TIMM23: variants seen among roughly 807,000 people sequenced by gnomAD.
TIMM23 encodes the protein mitochondrial import inner membrane translocase subunit Tim23.
TIMM23 carries 19 observed loss-of-function variants against 30.7 expected under a neutral mutation model. That is an observed-to-expected ratio of 0.62 (90% CI 0.43 to 0.91). The LOEUF (loss-of-function observed/expected upper bound fraction) is 0.91. Among genes scored for constraint, TIMM23 ranks in the 40% least tolerant of loss-of-function variants. The pLI, the probability that TIMM23 is intolerant of heterozygous loss-of-function variation, is 0.00. For synonymous variants in TIMM23, 78 were observed against 98.5 expected (o/e 0.79, Z 1.23); for missense variants, 202 against 269.2 (o/e 0.75, Z 1.75).
At chr10:45,997,738 G>A (rs587614790) in intron 6 of TIMM23, among the ~76,000 whole-genome samples, 3 of 152,062 alleles carry the variant, frequency 2.0e-5, no homozygotes, top group South Asian at 4.2e-4. Flanking sequence ...TCAGAAGGTC[G>A]AGGCTGCAGT....
intron 6 of TIMM23, among the ~76,000 whole-genome samples, chr10:45,996,516 C>T (rs1465802189): frequency 6.6e-6 from 1 of 151,186 alleles, no homozygotes; most frequent in Non-Finnish European, 1.5e-5. Flanking sequence ...AAACAAGTTC[C>T]ATTAAGTGCT....
intron 5 of TIMM23, among the ~76,000 whole-genome samples, chr10:45,986,644 A>G (rs1837997148): frequency 6.6e-6 from 1 of 152,238 alleles, no homozygotes; most frequent in Non-Finnish European, 1.5e-5. Context: ...ATTTTGAGAA[A>G]GAGTTTAAAA....
chr10:45,978,123 G>A (rs1239689444), intron 2 of TIMM23, among the ~76,000 whole-genome samples: 7 of 152,216 alleles, frequency 4.6e-5, no homozygotes, highest in African/African-American at 1.7e-4. Context: ...AGGCTGAGGC[G>A]GGAGGATCAC....
At chr10:45,989,915 T>G (rs1231205260) in intron 6 of TIMM23, among the ~76,000 whole-genome samples, 1 of 152,204 alleles carries the variant, frequency 6.6e-6, no homozygotes, top group Non-Finnish European at 1.5e-5. Flanking sequence ...AATTTTTATT[T>G]TTATCAAAAT....
At chr10:45,983,766 CA>C in intron 4 of TIMM23, among the ~76,000 whole-genome samples, 1 of 152,278 alleles carries the variant, frequency 6.6e-6, no homozygotes, top group Non-Finnish European at 1.5e-5. Context: ...TTTTGAGAGA[CA>C]GGGCCTTGCT....
intron 6 of TIMM23, among the ~76,000 whole-genome samples, chr10:46,001,541 C>T (rs538751446): frequency 1.8e-4 from 28 of 152,174 alleles, no homozygotes; most frequent in African/African-American, 5.8e-4. Flanking sequence ...GTAGGACGCT[C>T]GTTGCAGAAA....
At chr10:45,993,043 C>G (rs1838213283) in intron 6 of TIMM23, among the ~76,000 whole-genome samples, 7 of 152,128 alleles carry the variant, frequency 4.6e-5, no homozygotes, top group Admixed American at 2.6e-4. Context: ...ATCTGTCCAT[C>G]TTTGTTCAGA....
chr10:45,986,523 TTAAA>T (rs1837994960), intron 5 of TIMM23, among the ~76,000 whole-genome samples: 1 of 150,556 alleles, frequency 6.6e-6, no homozygotes, highest in African/African-American at 2.4e-5. Flanking sequence ...TCAGTTTCAG[TTAAA>T]TAAGTTGAAG....
At chr10:45,988,211 A>G (rs1264355082) in intron 5 of TIMM23, among the ~76,000 whole-genome samples, 1 of 152,202 alleles carries the variant, frequency 6.6e-6, no homozygotes, top group African/African-American at 2.4e-5. Context: ...GGCATGCTCT[A>G]CTACTAATAG....
chr10:45,977,529 A>G (rs1474738048), intron 2 of TIMM23, among the ~76,000 whole-genome samples: 1 of 152,210 alleles, frequency 6.6e-6, no homozygotes, highest in Non-Finnish European at 1.5e-5. Flanking sequence ...ACCCTGCACC[A>G]TATGCAAAAT....
At chr10:45,981,604 T>A (rs1291685257) in intron 2 of TIMM23, among the ~76,000 whole-genome samples, 1 of 151,980 alleles carries the variant, frequency 6.6e-6, no homozygotes, top group Non-Finnish European at 1.5e-5. Flanking sequence ...GTTTTCTGAT[T>A]AGGAATACAA....
At position 45,985,444 on chromosome 10, in the gene TIMM23, A is replaced by G; in HGVS notation, c.403+3A>G. 6.2e-7 allele frequency: 1 copy of G among 1,613,466 alleles called. No homozygotes were observed. On this transcript the variant is annotated splice_donor_region_variant and intron_variant, in intron 5 of 6. Transcript: ENST00000580018. ...GGCTAATACTCTAGGTTCTCTGGGT[A>G]AGTAGAGATCTCATTTGATAATAAA... is the stretch of plus-strand genomic sequence containing the variant.
At chr10:45,977,154 A>G (rs1409174681) in intron 2 of TIMM23, among the ~76,000 whole-genome samples, 2 of 149,676 alleles carry the variant, frequency 1.3e-5, no homozygotes, top group East Asian at 1.9e-4. Flanking sequence ...TTAAAATGGC[A>G]GTGCTCACCA....
chr10:46,002,518 GGTT>G (rs1228558103), intron 6 of TIMM23: 19 of 984,232 alleles, frequency 1.9e-5, no homozygotes, highest in Non-Finnish European at 2.1e-5. Flanking sequence ...AGAGTCCAAA[GGTT>G]GTTAATACTC....
rs781925448 is a variant in TIMM23, at chr10:45,975,488, T to C, written c.141T>C (p.Asn47=). Reference sequence around the variant, plus strand: ...TGAACCCTCTGTCTCCTTATTTAAATGTGGATCCACGATACCTCGTGCAGG... The same window carrying C: ...TGAACCCTCTGTCTCCTTATTTAAACGTGGATCCACGATACCTCGTGCAGG... ...TGMNPLSPYL[N]VDPRYLVQDT... The change falls in exon 2 of 7, where the codon AAT becomes AAC. Residue 47 remains asparagine (N), a synonymous_variant. Transcript: ENST00000580018. 6.2e-7 allele frequency: 1 copy of C among 1,613,862 alleles called. No individual in the cohort carries two copies. The highest frequency in any genetic ancestry group is 1.3e-5 in the African/African-American group (1 of 74,928).
At chr10:45,985,129 CTTA>C (rs1305320635) in intron 4 of TIMM23, among the ~76,000 whole-genome samples, 4 of 151,390 alleles carry the variant, frequency 2.6e-5, no homozygotes, top group Non-Finnish European at 2.9e-5. Context: ...AAGAGTTTTC[CTTA>C]TTATTATTAT....
rs544160401 is a variant in TIMM23 at position 46,000,809 on chromosome 10, G to C, written c.515-2394G>C. 3.9e-5 allele frequency among the ~76,000 whole-genome samples: 6 copies of C among 152,322 alleles called. No homozygotes were observed. The South Asian group carries it at 1.2e-3, about 32-fold the overall frequency. Reference sequence around the variant, plus strand: ...ATCTGAAGTTGAATGTGTGGTTATAGGAAATAGTGTCTGCAAAAGTATTGT... The same window carrying C: ...ATCTGAAGTTGAATGTGTGGTTATACGAAATAGTGTCTGCAAAAGTATTGT... On this transcript the variant is annotated intron_variant, in intron 6 of 6. Transcript: ENST00000580018.
intron 6 of TIMM23, among the ~76,000 whole-genome samples, chr10:46,002,666 A>C (rs1312489845): frequency 1.3e-5 from 2 of 152,110 alleles, no homozygotes; most frequent in African/African-American, 4.8e-5. Flanking sequence ...CATAGGAACA[A>C]ATTGGAAAGT....
At chr10:45,984,116 T>C (rs1318112412) in intron 4 of TIMM23, among the ~76,000 whole-genome samples, 1 of 152,180 alleles carries the variant, frequency 6.6e-6, no homozygotes, top group African/African-American at 2.4e-5. Flanking sequence ...TCCTTCAATA[T>C]TTTTATTACT....
Sources: gnomAD v4.1 joint callset for allele counts (sites outside exome capture counted in the v4.1 genomes callset) on GRCh38, gnomAD v4.1.1 for gene constraint, MANE v1.5 for transcripts, NCBI Gene and HGNC (gene_info 2026-07-23, HGNC 2026-07-21) for gene names.